The following CFTR variants were observed in gnomAD, a reference collection of about 807,000 sequenced individuals.
The protein encoded by CFTR is cystic fibrosis transmembrane conductance regulator.
Under a neutral mutation model 171.6 loss-of-function variants are expected in CFTR, and 181 were observed. The observed-to-expected ratio is 1.05, with a 90% CI of 0.93 to 1.19. The LOEUF (loss-of-function observed/expected upper bound fraction) is 1.19, where lower values mean the gene tolerates loss of function less well. Among genes scored for constraint, CFTR ranks in the 50% most tolerant of loss-of-function variants. The pLI, the probability that CFTR is intolerant of heterozygous loss-of-function variation, is 0.00. For synonymous variants in CFTR, 583 were observed against 608.0 expected (o/e 0.96, Z 0.60); for missense variants, 1,968 against 1,734.7 (o/e 1.13, Z -2.39).
intron 25 of CFTR, among the ~76,000 whole-genome samples, chr7:117,665,098 A>G (rs932818467): frequency 1.3e-5 from 2 of 152,234 alleles, no homozygotes; most frequent in Non-Finnish European, 2.9e-5. Context: ...TTGTCAACAC[A>G]TGATGAAGCT....
intron 11 of CFTR, among the ~76,000 whole-genome samples, chr7:117,569,026 G>A (rs995706995): frequency 8.5e-5 from 13 of 152,152 alleles, no homozygotes; most frequent in Non-Finnish European, 1.5e-5. Context: ...GGTGACCAGG[G>A]AACTTCCAAG....
chr7:117,551,690 G>A (rs1222041972), intron 10 of CFTR, among the ~76,000 whole-genome samples: 7 of 152,086 alleles, frequency 4.6e-5, no homozygotes, highest in South Asian at 2.1e-4. Context: ...AATGTCTTGC[G>A]CTTATGAAAC....
rs770345073 is a variant in CFTR at position 117,664,820 on chromosome 7, A to T, written c.4096A>T (p.Ile1366Phe). 2.3e-5 allele frequency: 37 copies of T among 1,614,016 alleles called. 1 individual carries two copies. The South Asian group carries it at 4.1e-4, about 18-fold the overall frequency. ...LARSVLSKAK[I>F]LLLDEPSAHL... Reference sequence around the variant, plus strand: ...TAGATCTGTTCTCAGTAAGGCGAAGATCTTGCTGCTTGATGAACCCAGTGC... The same window carrying T: ...TAGATCTGTTCTCAGTAAGGCGAAGTTCTTGCTGCTTGATGAACCCAGTGC... The change falls in exon 25 of 27, where the codon ATC becomes TTC. Residue 1366 changes from isoleucine to phenylalanine, a missense_variant. Transcript: ENST00000003084.
intron 22 of CFTR, among the ~76,000 whole-genome samples, chr7:117,640,312 T>TA (rs1792891188): frequency 6.6e-6 from 1 of 152,152 alleles, no homozygotes; most frequent in Non-Finnish European, 1.5e-5. Context: ...TATCATGCAT[T>TA]ACCAGCAGTT....
At chr7:117,650,985 T>C (rs1378631713) in intron 23 of CFTR, among the ~76,000 whole-genome samples, 3 of 152,194 alleles carry the variant, frequency 2.0e-5, no homozygotes, top group Non-Finnish European at 4.4e-5. Context: ...TACTATCTCC[T>C]AGCTAAGTGA....
intron 3 of CFTR, among the ~76,000 whole-genome samples, chr7:117,523,374 G>GTTTTTT (rs1205226439): frequency 2.9e-5 from 4 of 139,576 alleles, no homozygotes; most frequent in African/African-American, 7.7e-5. Flanking sequence ...GTTTTGTTTT[G>GTTTTTT]TTTTTTGTTT....
In CFTR at chr7:117,592,275, A is replaced by T. The variant is rs748664864; in HGVS notation, c.2108A>T (p.Asn703Ile). Residue 703 changes from asparagine to isoleucine, a missense_variant, in exon 14 of 27, where the codon AAT (asparagine) becomes ATT (isoleucine). Transcript: ENST00000003084. ...FGEKRKNSILNPINSIRKFSI... is the reference protein window; with the variant it reads ...FGEKRKNSILIPINSIRKFSI... ...GAAAAAAGGAAGAATTCTATTCTCA[A>T]TCCAATCAACTCTATACGAAAATTT... 1 of 1,614,042 alleles carries T rather than the reference A, an allele frequency of 6.2e-7. No individual in the cohort carries two copies. Among genetic ancestry groups the T allele is most frequent in the Non-Finnish European group, 8.5e-7 (1 of 1,180,012 alleles).
intron 24 of CFTR, 148 bp downstream of exon 24, chr7:117,653,079 A>G: frequency 1.5e-6 from 1 of 678,832 alleles, no homozygotes; most frequent in Non-Finnish European, 2.7e-6. Flanking sequence ...CTGGAGCAAC[A>G]GGTACTTTTG....
chr7:117,639,377 C>A (rs1792878380), intron 22 of CFTR, among the ~76,000 whole-genome samples: 1 of 152,084 alleles, frequency 6.6e-6, no homozygotes, highest in South Asian at 2.1e-4. Context: ...AGCCAGAGCA[C>A]CTTCCCACAA....
intron 11 of CFTR, among the ~76,000 whole-genome samples, chr7:117,561,634 A>G (rs1378399284): frequency 6.6e-6 from 1 of 152,180 alleles, no homozygotes; most frequent in Non-Finnish European, 1.5e-5. Flanking sequence ...TCATTCAGCA[A>G]ATATTTATTA....
chr7:117,645,979 T>C (rs1350110264), intron 23 of CFTR, among the ~76,000 whole-genome samples: 1 of 152,194 alleles, frequency 6.6e-6, no homozygotes, highest in Non-Finnish European at 1.5e-5. Context: ...ATAACTTGCT[T>C]GATAAGAATT....
chr7:117,521,223 A>G (rs1014778199), intron 3 of CFTR, among the ~76,000 whole-genome samples: 18 of 152,020 alleles, frequency 1.2e-4, no homozygotes, highest in African/African-American at 4.1e-4. Context: ...ATTCATTTAC[A>G]TTTGTTACAC....
At chr7:117,522,520 T>C (rs1431380300) in intron 3 of CFTR, among the ~76,000 whole-genome samples, 4 of 152,234 alleles carry the variant, frequency 2.6e-5, no homozygotes, top group Non-Finnish European at 5.9e-5. Context: ...CTTCTATTAT[T>C]GAAGTGAGCC....
At chr7:117,584,060 C>A (rs1584808650) in intron 11 of CFTR, among the ~76,000 whole-genome samples, 1 of 151,490 alleles carries the variant, frequency 6.6e-6, no homozygotes, top group African/African-American at 2.4e-5. Flanking sequence ...CCTTGTAGAT[C>A]CTGGATACTA....
chr7:117,495,033 C>T (rs1798216422), intron 1 of CFTR, among the ~76,000 whole-genome samples: 1 of 152,116 alleles, frequency 6.6e-6, no homozygotes, highest in Non-Finnish European at 1.5e-5. Context: ...ACTATAAAAT[C>T]TTAAGGCCAA....
At chr7:117,645,728 ATTTGGAGCC>A (rs553759522) in intron 23 of CFTR, among the ~76,000 whole-genome samples, 13 of 152,254 alleles carry the variant, frequency 8.5e-5, no homozygotes, top group Non-Finnish European at 1.6e-4. Context: ...CCCACATGGG[ATTTGGAGCC>A]TTGTTTATAA....
chr7:117,575,813 A>C (rs1791761527), intron 11 of CFTR, among the ~76,000 whole-genome samples: 1 of 152,086 alleles, frequency 6.6e-6, no homozygotes, highest in Non-Finnish European at 1.5e-5. Flanking sequence ...ATGCACATTT[A>C]ATACCATTTT....
rs540242325 is a variant in CFTR at position 117,592,726 on chromosome 7, T to C, written c.2490+69T>C. 77 of 1,325,318 alleles carry C rather than the reference T, an allele frequency of 5.8e-5. No individual in the cohort carries two copies. The South Asian group carries it at 1.6e-3, about 27-fold the overall frequency. The allele number at this position is 1,325,318 out of a possible 1,614,324, so 82.1% of individuals were successfully genotyped here. On this transcript the variant is annotated intron_variant, in intron 14 of 26. Transcript: ENST00000003084. ...ATTGAGTAGAATGCAATATGTAGCA[T>C]GTAACAAAATTTACTAAAATCATAG...
At chr7:117,615,259 G>T (rs563114648) in intron 21 of CFTR, among the ~76,000 whole-genome samples, 1 of 151,908 alleles carries the variant, frequency 6.6e-6, no homozygotes, top group East Asian at 1.9e-4. Context: ...TAATTAAATT[G>T]TAGGAATTTA....
Sources: allele counts gnomAD v4.1 joint callset (sites outside exome capture counted in the v4.1 genomes callset), GRCh38; gene constraint gnomAD v4.1.1; transcripts MANE v1.5; gene names NCBI Gene and HGNC (gene_info 2026-07-23, HGNC 2026-07-21).